The following FRY variants were observed in gnomAD, a reference collection of about 807,000 sequenced individuals.
FRY encodes FRY microtubule binding protein.
FRY carries 128 observed loss-of-function variants against 348.4 expected under a neutral mutation model. That is an observed-to-expected ratio of 0.37 (90% confidence interval 0.32 to 0.43). FRY has a LOEUF of 0.43. FRY is among the 20% of genes least tolerant of loss of function. The pLI is 1.00. For synonymous variants in FRY, 1,370 were observed against 1,374.7 expected, an observed-to-expected ratio of 1.00 and a Z score of 0.08; for missense variants, 2,736 against 3,695.2, an observed-to-expected ratio of 0.74 and a Z score of 6.73.
At chr13:32,189,757 A>G (rs192773469) in intron 28 of FRY, among the ~76,000 whole-genome samples, 2 of 152,202 alleles carry the variant, frequency 1.3e-5, no homozygotes, top group Admixed American at 1.3e-4. Context: ...TGAAGAGAAA[A>G]CAGATGAAGA....
intron 2 of FRY, chr13:32,085,905 T>A (rs1403708719): frequency 1.9e-6 from 1 of 518,852 alleles, no homozygotes; most frequent in Non-Finnish European, 3.8e-6. Context: ...GCCCTCCAGG[T>A]GCTCATGCTT....
chr13:32,108,224 G>A (rs909108987), intron 3 of FRY, among the ~76,000 whole-genome samples: 9 of 152,164 alleles, frequency 5.9e-5, no homozygotes, highest in African/African-American at 2.2e-4. Flanking sequence ...TGAGACTTCA[G>A]GGACAGAAGA....
chr13:32,038,411 C>T (rs1449093775), intron 1 of FRY: 2 of 152,142 alleles, frequency 1.3e-5, no homozygotes, highest in East Asian at 3.8e-4. Flanking sequence ...AACATTTAAA[C>T]ATTTATAATT....
intron 29 of FRY, among the ~76,000 whole-genome samples, chr13:32,201,294 A>G (rs897128699): frequency 6.6e-6 from 1 of 152,134 alleles, no homozygotes; most frequent in Non-Finnish European, 1.5e-5. Context: ...GACCCATTTT[A>G]CTTGTTTCCT....
intron 36 of FRY, among the ~76,000 whole-genome samples, chr13:32,223,428 A>G (rs1019343834): frequency 2.6e-5 from 4 of 152,180 alleles, no homozygotes; most frequent in African/African-American, 9.7e-5. Flanking sequence ...GTAGTTACCC[A>G]AACAAGTAAT....
intron 1 of FRY, among the ~76,000 whole-genome samples, chr13:32,044,134 A>G (rs1030804764): frequency 6.6e-6 from 1 of 152,200 alleles, no homozygotes; most frequent in African/African-American, 2.4e-5. Flanking sequence ...TAACAAGTTC[A>G]ATATTTATTT....
chr13:32,035,579 T>A (rs928957626), intron 1 of FRY, among the ~76,000 whole-genome samples: 1 of 152,170 alleles, frequency 6.6e-6, no homozygotes, highest in Admixed American at 6.5e-5. Flanking sequence ...ATCTGAAAGC[T>A]CTAAAGGGCG....
At chr13:32,212,485 A>C in intron 35 of FRY, 103 bp downstream of exon 35, 3 of 740,380 alleles carry the variant, frequency 4.1e-6, no homozygotes, top group East Asian at 2.7e-5. Context: ...TTACACGTAC[A>C]TAAAAATCCT....
intron 22 of FRY, among the ~76,000 whole-genome samples, chr13:32,179,258 A>C (rs1882550505): frequency 6.6e-6 from 1 of 152,182 alleles, no homozygotes; most frequent in Admixed American, 6.5e-5. Context: ...AAACCTGCTT[A>C]AGACCATAGA....
At chr13:32,063,122 G>T (rs1450828781) in intron 1 of FRY, among the ~76,000 whole-genome samples, 1 of 152,156 alleles carries the variant, frequency 6.6e-6, no homozygotes, top group East Asian at 1.9e-4. Flanking sequence ...AGGGGACCCT[G>T]GCGGGGAACA....
chr13:32,239,738 C>T lies in FRY; in HGVS notation c.6544C>T (p.Leu2182Phe), dbSNP rs1886403053. The T allele has an allele frequency of 6.2e-7, 1 of 1,613,516 alleles. No individual in the cohort carries two copies. Among genetic ancestry groups the T allele is most frequent in the African/African-American group, 1.3e-5 (1 of 74,908 alleles). ...QVCLEEKNPKLSNLAHVMTLY... is the reference protein window; with the variant it reads ...QVCLEEKNPKFSNLAHVMTLY... ...TTGTTTAGAAGAGAAGAACCCCAAA[C>T]TTTCAAATCTTGCACATGTCATGAC... The change falls in exon 46 of 61, where the codon CTT becomes TTT. Residue 2182 changes from leucine (L) to phenylalanine (F), a missense_variant. This residue lies in a region of FRY where 789 missense variants were observed against 996.2 expected (regional missense o/e 0.79). Transcript: ENST00000542859. This position sits in a 1 kb window ranked among gnomAD's most constrained non-coding sequence, Gnocchi z 4.3.
intron 31 of FRY, among the ~76,000 whole-genome samples, chr13:32,206,960 G>C (rs985998775): frequency 2.0e-5 from 3 of 152,148 alleles, no homozygotes; most frequent in Middle Eastern, 3.2e-3. Context: ...TTCTGGAGCA[G>C]TGAATAGAGG....
chr13:32,212,149 G>A (rs375890848), intron 34 of FRY, 143 bp from the exon 35 acceptor site: 7 of 651,210 alleles, frequency 1.1e-5, no homozygotes, highest in African/African-American at 3.6e-5. Flanking sequence ...TGTTTAGAAT[G>A]TCTGAGATTG....
intron 20 of FRY, 35 bp from the exon 21 acceptor site, chr13:32,178,142 G>A (rs370929144): frequency 1.8e-5 from 29 of 1,612,552 alleles, no homozygotes; most frequent in East Asian, 6.7e-5. Flanking sequence ...ACTTCAGTTC[G>A]GGTTTAACTT....
Position 32,254,274 on chromosome 13 carries a change from C to T in FRY, c.7296C>T (p.Ser2432=). 1.2e-6 allele frequency: 2 copies of T among 1,613,998 alleles called. No homozygotes were observed. The highest frequency in any genetic ancestry group is 1.7e-6 in the Non-Finnish European group (2 of 1,179,994). Residue 2432 remains serine (S), a synonymous_variant, in exon 51 of 61, where the codon AGC becomes AGT. Transcript: ENST00000542859. The part of the protein sequence containing the change: ...GDLDLLEHQT[S]LVSSEDGARE... ...TGGATCTGCTTGAGCACCAGACAAG[C>T]TTGGTATCTTCTGAGGACGGTGCCC... is the stretch of plus-strand genomic sequence containing the variant.
intron 17 of FRY, among the ~76,000 whole-genome samples, chr13:32,170,619 C>A (rs1056739854): frequency 1.8e-4 from 27 of 152,224 alleles, no homozygotes; most frequent in African/African-American, 6.0e-4. Context: ...TCACTGCAAC[C>A]TCAGCCTCCC....
intron 11 of FRY, among the ~76,000 whole-genome samples, chr13:32,142,872 G>A (rs60780353): frequency 0.025 from 3,852 of 152,250 alleles, 182 homozygotes; most frequent in African/African-American, 0.089. Context: ...TGTCTGGTAG[G>A]AAACATTCAA....
intron 3 of FRY, among the ~76,000 whole-genome samples, chr13:32,115,694 C>CT (rs1422693473): frequency 1.3e-4 from 20 of 149,004 alleles, no homozygotes; most frequent in Non-Finnish European, 2.2e-4. Context: ...TGAGTCTTTG[C>CT]TTTTTTTTTT....
intron 18 of FRY, among the ~76,000 whole-genome samples, chr13:32,172,040 AGATGTG>A (rs1282773756): frequency 6.8e-6 from 1 of 147,540 alleles, no homozygotes; most frequent in Non-Finnish European, 1.5e-5. Context: ...ATAAGGATGT[AGATGTG>A]GATATGGATG....
Sources: allele counts gnomAD v4.1 joint callset (sites outside exome capture counted in the v4.1 genomes callset), GRCh38; gene constraint gnomAD v4.1.1; regional missense constraint gnomAD v4.1.1; non-coding constraint Gnocchi (gnomAD v3.1); transcripts MANE v1.5; gene names NCBI Gene and HGNC (gene_info 2026-07-23, HGNC 2026-07-21).